The following MAP4K5 variants were observed in gnomAD, a reference collection of about 807,000 sequenced individuals.
MAP4K5 encodes mitogen-activated protein kinase kinase kinase kinase 5.
A neutral mutation model predicts 135.6 loss-of-function variants in MAP4K5; 82 were observed. The observed-to-expected ratio is 0.60, with a 90% CI of 0.51 to 0.73. MAP4K5 has a LOEUF of 0.73. MAP4K5 is among the 30% of genes least tolerant of loss of function. The pLI is 0.00. For synonymous variants in MAP4K5, 347 were observed against 335.0 expected (o/e 1.04, Z -0.39); for missense variants, 907 against 1,010.9 (o/e 0.90, Z 1.39).
In MAP4K5 at chr14:50,443,750, A is replaced by G; in HGVS notation, c.1458T>C (p.Leu486=). The change falls in exon 20 of 33, where the codon CTT becomes CTC. Residue 486 remains leucine (L), a synonymous_variant. Coordinates refer to ENST00000682126, the MANE Select transcript of MAP4K5 (RefSeq NM_006575.6). ...TTACCAGAACTTTTGGGGTGGGTGG[A>G]AGGCCATTGATGGCTGGTTTCTATG... is the stretch of plus-strand genomic sequence containing the variant. ...RDFPKPAING[L]PPTPKVLMGA... 1 of 1,599,904 alleles carries G rather than the reference A, an allele frequency of 6.3e-7. No individual in the cohort carries two copies. The highest frequency in any genetic ancestry group is 1.1e-5 in the South Asian group (1 of 87,476).
rs1408025454 is a variant in MAP4K5 at position 50,504,938 on chromosome 14, G to A, written c.109-81C>T. Reference sequence around the variant, plus strand: ...AAAATTACTTGGTACTATGTTAATTGCTTATCAACCATACTTTTATCAAAA... The same window carrying A: ...AAAATTACTTGGTACTATGTTAATTACTTATCAACCATACTTTTATCAAAA... On this transcript the variant is annotated intron_variant, in intron 2 of 32. Coordinates refer to ENST00000682126, the MANE Select transcript of MAP4K5 (RefSeq NM_006575.6). The A allele has an allele frequency of 3.8e-6, 3 of 782,024 alleles. No individual in the cohort carries two copies. In the African/African-American group the frequency reaches 5.5e-5, roughly 14 times the overall value. 48.4% of individuals were successfully genotyped at this position (782,024 alleles called of 1,614,324 possible).
intron 14 of MAP4K5, among the ~76,000 whole-genome samples, chr14:50,451,349 C>T (rs188914668): frequency 1.7e-4 from 26 of 151,960 alleles, no homozygotes; most frequent in African/African-American, 5.8e-4. Context: ...AGTGTTCTTA[C>T]GTATATAACT....
At chr14:50,521,393 C>T (rs140884781) in intron 2 of MAP4K5, among the ~76,000 whole-genome samples, 1 of 152,268 alleles carries the variant, frequency 6.6e-6, no homozygotes, top group East Asian at 1.9e-4. Context: ...TTTAAAGATG[C>T]AGTCCTAAGG....
intron 2 of MAP4K5, among the ~76,000 whole-genome samples, chr14:50,527,352 C>T (rs2038288780): frequency 1.3e-5 from 2 of 150,850 alleles, no homozygotes; most frequent in African/African-American, 4.9e-5. Context: ...AAAAAAAGTA[C>T]TTTTGTATGA....
At chr14:50,423,309 T>C in intron 31 of MAP4K5, 133 bp from the exon 32 acceptor site, 2 of 518,374 alleles carry the variant, frequency 3.9e-6, no homozygotes, top group Non-Finnish European at 7.0e-6. Context: ...ATAAAAGAAA[T>C]TTTAGTAAGT....
intron 2 of MAP4K5, among the ~76,000 whole-genome samples, chr14:50,525,398 A>G (rs1184168235): frequency 1.3e-5 from 2 of 152,130 alleles, no homozygotes; most frequent in African/African-American, 2.4e-5. Flanking sequence ...ACTCAAATCC[A>G]TCCCTTCCTT....
At chr14:50,444,935 A>C in intron 18 of MAP4K5, 106 bp downstream of exon 18, 1 of 1,219,960 alleles carries the variant, frequency 8.2e-7, no homozygotes, top group Non-Finnish European at 1.1e-6. Context: ...ATATTTTTTG[A>C]AATAGGAACA....
chr14:50,437,434 A>C, intron 26 of MAP4K5, 42 bp downstream of exon 26: 1 of 1,438,378 alleles, frequency 7.0e-7, no homozygotes, highest in Non-Finnish European at 9.6e-7. Flanking sequence ...TAAAGATGTT[A>C]AAAGTTCTAA....
chr14:50,464,700 G>C (rs1291820762), intron 11 of MAP4K5, among the ~76,000 whole-genome samples: 1 of 152,158 alleles, frequency 6.6e-6, no homozygotes, highest in Non-Finnish European at 1.5e-5. Flanking sequence ...ACACAAAAAG[G>C]TATTTCTACC....
At chr14:50,449,490 C>T (rs1373694729) in intron 14 of MAP4K5, 2 of 152,014 alleles carry the variant, frequency 1.3e-5, no homozygotes, top group Non-Finnish European at 2.9e-5. Context: ...TTTTTAAACA[C>T]TCATACTTGC....
At position 50,445,126 on chromosome 14, in the gene MAP4K5, A is replaced by G. The variant is rs1410955878; in HGVS notation, c.1254T>C (p.Cys418=). 3 of 1,613,554 alleles carry G rather than the reference A, an allele frequency of 1.9e-6. No individual in the cohort carries two copies. In the Admixed American group the frequency reaches 5.0e-5, roughly 27 times the overall value. Residue 418 remains cysteine (C), a synonymous_variant, in exon 18 of 33, where the codon TGT becomes TGC. Coordinates refer to ENST00000682126, the MANE Select transcript of MAP4K5 (RefSeq NM_006575.6). ...DEEKASTIKH[C]PDSESRAPQI... ...GGGGAGCTCTGCTTTCTGAATCAGG[A>G]CAATGTTTTATGGTTGATGCTTTTT... is the stretch of plus-strand genomic sequence containing the variant.
chr14:50,431,342 G>T (rs931934592), intron 28 of MAP4K5, among the ~76,000 whole-genome samples: 3 of 151,930 alleles, frequency 2.0e-5, no homozygotes, highest in Non-Finnish European at 4.4e-5. Flanking sequence ...CATCTGGTGC[G>T]CTGCACCCAC....
At chr14:50,490,088 TGAGA>T (rs915084225) in intron 3 of MAP4K5, among the ~76,000 whole-genome samples, 35 of 147,318 alleles carry the variant, frequency 2.4e-4, no homozygotes, top group South Asian at 4.3e-4. Context: ...TGTGTGTGTG[TGAGA>T]GAGAGAGACA....
intron 2 of MAP4K5, among the ~76,000 whole-genome samples, chr14:50,513,529 C>T (rs936212215): frequency 2.6e-5 from 4 of 151,784 alleles, no homozygotes; most frequent in African/African-American, 9.7e-5. Flanking sequence ...CGAATCAATA[C>T]ATAGTAATAC....
chr14:50,502,269 A>G (rs1449669358), intron 3 of MAP4K5, among the ~76,000 whole-genome samples: 1 of 152,200 alleles, frequency 6.6e-6, no homozygotes, highest in Non-Finnish European at 1.5e-5. Context: ...CTATCCTACA[A>G]TGTGAAAGTC....
intron 5 of MAP4K5, among the ~76,000 whole-genome samples, chr14:50,485,136 C>T (rs1313568128): frequency 3.3e-5 from 5 of 152,126 alleles, no homozygotes; most frequent in East Asian, 3.9e-4. Context: ...AATATGAATA[C>T]TAAATAAAAT....
chr14:50,449,006 T>C (rs1385381393), intron 14 of MAP4K5, 174 bp from the exon 15 acceptor site: 3 of 534,278 alleles, frequency 5.6e-6, no homozygotes, highest in African/African-American at 2.0e-5. Flanking sequence ...TTACCAAAAG[T>C]AAATAACAAA....
Position 50,429,271 on chromosome 14 carries a change from A to G in MAP4K5, c.2165-11T>C. On this transcript the variant is annotated splice_polypyrimidine_tract_variant and intron_variant, in intron 28 of 32. Transcript: ENST00000682126. The stretch of plus-strand genomic sequence containing the variant: ...CTAACTGCTGGCTGCCTTAGGAAGT[A>G]AAAAACAAGGTTACAATTATACTTT... 1.3e-6 allele frequency: 2 copies of G among 1,528,136 alleles called. No individual in the cohort carries two copies. Among genetic ancestry groups the G allele is most frequent in the Non-Finnish European group, 1.8e-6 (2 of 1,125,206 alleles). 94.7% of individuals were successfully genotyped at this position (1,528,136 alleles called of 1,614,324 possible).
At chr14:50,555,218 C>T (rs145720077) in intron 1 of MAP4K5, among the ~76,000 whole-genome samples, 6 of 152,272 alleles carry the variant, frequency 3.9e-5, no homozygotes, top group African/African-American at 1.4e-4. Context: ...ATAGAAGCCC[C>T]AAGTGAAAGA....
Sources: gnomAD v4.1 joint callset for allele counts (sites outside exome capture counted in the v4.1 genomes callset) on GRCh38, gnomAD v4.1.1 for gene constraint, MANE v1.5 for transcripts, NCBI Gene and HGNC (gene_info 2026-07-23, HGNC 2026-07-21) for gene names.